Variants in SPOCK1 observed in about 807,000 individuals in gnomAD.
SPOCK1 encodes testican-1.
SPOCK1 carries 23 observed loss-of-function variants against 55.3 expected under a neutral mutation model. The observed-to-expected ratio is 0.42, with a 90% CI of 0.30 to 0.59. The LOEUF (loss-of-function observed/expected upper bound fraction) is 0.59. SPOCK1 is among the 20% of genes least tolerant of loss of function. The pLI, the probability that SPOCK1 is intolerant of heterozygous loss-of-function variation, is 0.22. For missense variants in SPOCK1, 499 were observed against 552.5 expected, an observed-to-expected ratio of 0.90 and a Z score of 0.97; for synonymous variants, 226 against 221.0, an observed-to-expected ratio of 1.02 and a Z score of -0.20.
rs562723108 is a variant in SPOCK1 at position 137,449,886 on chromosome 5, C to CAAAAAAAAAAAAAAA, written c.186+48472_186+48486dup. ...TGGGCAACAAAGTGAGATGCTGTCT[C>CAAAAAAAAAAAAAAA]AAAAAAAAAAAAAAAAAAAAAAAAA... On this transcript the variant is annotated intron_variant, in intron 2 of 10. Coordinates refer to ENST00000394945, the MANE Select transcript of SPOCK1 (RefSeq NM_004598.4). Among the ~76,000 whole-genome samples the CAAAAAAAAAAAAAAA allele has an allele frequency of 1.7e-4, 9 of 52,906 alleles. 1 individual carries two copies. The highest frequency in any genetic ancestry group is 8.6e-4 in the Admixed American group (3 of 3,478). 34.7% of individuals were successfully genotyped at this position (52,906 alleles called of 152,430 possible).
intron 2 of SPOCK1, among the ~76,000 whole-genome samples, chr5:137,337,685 T>G (rs1312347164): frequency 6.6e-6 from 1 of 152,228 alleles, no homozygotes; most frequent in Non-Finnish European, 1.5e-5. Context: ...TCTCCATTTT[T>G]ATAACAGCAC....
intron 3 of SPOCK1, among the ~76,000 whole-genome samples, chr5:137,179,641 T>G (rs1317548565): frequency 6.6e-6 from 1 of 152,144 alleles, no homozygotes; most frequent in Admixed American, 6.5e-5. Flanking sequence ...TTGTTTGCCT[T>G]GCTCTATCTC....
intron 2 of SPOCK1, among the ~76,000 whole-genome samples, chr5:137,490,219 G>C (rs1754145404): frequency 6.6e-6 from 1 of 152,192 alleles, no homozygotes; most frequent in Non-Finnish European, 1.5e-5. Flanking sequence ...TGTAGTGAAT[G>C]ACAGGCCCTC....
chr5:137,020,320 C>T (rs1561581680), intron 6 of SPOCK1, among the ~76,000 whole-genome samples: 1 of 151,520 alleles, frequency 6.6e-6, no homozygotes, highest in African/African-American at 2.4e-5. Flanking sequence ...GTGGCAGTAG[C>T]TATATTATCA....
chr5:136,978,690 A>ATCC lies in SPOCK1; in HGVS notation c.1281_1283dup (p.Glu427dup), dbSNP rs1213689969. 1 of 1,612,490 alleles carries ATCC rather than the reference A, an allele frequency of 6.2e-7. No homozygotes were observed. On this transcript the variant is annotated inframe_insertion, in exon 11 of 11. Transcript: ENST00000394945. ...ACCCGACCTCATCCTCTTTGTCATC[A>ATCC]TCCTCATCCTCATCATCCTCTGTCA...
At chr5:136,998,265 C>T (rs1015445191) in intron 6 of SPOCK1, among the ~76,000 whole-genome samples, 1 of 152,198 alleles carries the variant, frequency 6.6e-6, no homozygotes, top group African/African-American at 2.4e-5. Context: ...CCAAGAAATA[C>T]AGGTTGCAAT....
intron 9 of SPOCK1, 75 bp from the exon 10 acceptor site, chr5:136,979,544 G>C (rs1271086360): frequency 1.3e-6 from 2 of 1,539,612 alleles, no homozygotes; most frequent in African/African-American, 2.7e-5. Context: ...TCAACACAGG[G>C]AAGAGGGCTC....
intron 3 of SPOCK1, among the ~76,000 whole-genome samples, chr5:137,257,351 C>T (rs1369438676): frequency 3.3e-5 from 5 of 152,126 alleles, no homozygotes; most frequent in South Asian, 4.1e-4. Flanking sequence ...AGAGGTAGGG[C>T]CTTTGGGTGG....
intron 2 of SPOCK1, among the ~76,000 whole-genome samples, chr5:137,393,067 A>T (rs1242962090): frequency 6.6e-6 from 1 of 152,204 alleles, no homozygotes; most frequent in Non-Finnish European, 1.5e-5. Flanking sequence ...CCTTTGTCTT[A>T]AAATTCCTCT....
At chr5:137,366,681 T>C (rs535664922) in intron 2 of SPOCK1, among the ~76,000 whole-genome samples, 2 of 152,342 alleles carry the variant, frequency 1.3e-5, no homozygotes, top group South Asian at 2.1e-4. Flanking sequence ...ATAGCTTAGC[T>C]GCTTCGAATG....
At chr5:137,100,058 G>A (rs901766902) in intron 5 of SPOCK1, among the ~76,000 whole-genome samples, 2 of 152,128 alleles carry the variant, frequency 1.3e-5, no homozygotes, top group Non-Finnish European at 2.9e-5. Flanking sequence ...AGGGACTCTA[G>A]TCTATCATAC....
intron 3 of SPOCK1, among the ~76,000 whole-genome samples, chr5:137,184,874 C>T (rs1358185712): frequency 1.3e-5 from 2 of 152,136 alleles, no homozygotes; most frequent in Non-Finnish European, 2.9e-5. Flanking sequence ...AGCCCTGCCC[C>T]TCAAATGTTC....
At chr5:137,101,303 A>G (rs1753261123) in intron 5 of SPOCK1, among the ~76,000 whole-genome samples, 1 of 152,228 alleles carries the variant, frequency 6.6e-6, no homozygotes, top group African/African-American at 2.4e-5. Flanking sequence ...CAGAGATATC[A>G]TGTGCTGTGC....
At chr5:137,094,853 G>A (rs751884747) in intron 5 of SPOCK1, among the ~76,000 whole-genome samples, 45 of 152,220 alleles carry the variant, frequency 3.0e-4, no homozygotes, top group South Asian at 1.2e-3. Context: ...CTTGGCACAA[G>A]AGGCCTGGCT....
chr5:137,265,145 G>A (rs2127115242), intron 3 of SPOCK1, among the ~76,000 whole-genome samples: 1 of 152,196 alleles, frequency 6.6e-6, no homozygotes, highest in East Asian at 1.9e-4. Context: ...GTGATTTTGT[G>A]GTTCCCAAAA....
At chr5:137,341,121 C>T (rs549423908) in intron 2 of SPOCK1, among the ~76,000 whole-genome samples, 2 of 152,324 alleles carry the variant, frequency 1.3e-5, no homozygotes, top group East Asian at 1.9e-4. Flanking sequence ...ACTCGCTGCA[C>T]CATCCAGGCC....
chr5:137,268,719 G>T (rs938580744), intron 2 of SPOCK1, among the ~76,000 whole-genome samples: 2 of 94,378 alleles, frequency 2.1e-5, no homozygotes, highest in Admixed American at 2.4e-4. Flanking sequence ...TCTCACAAGT[G>T]GAGAAAAAAA....
At position 137,238,925 on chromosome 5, in the gene SPOCK1, G is replaced by A. The variant is rs140675878; in HGVS notation, c.232+28085C>T. 3.7e-3 allele frequency among the ~76,000 whole-genome samples: 571 copies of A among 152,290 alleles called. 1 individual carries two copies. Among genetic ancestry groups the A allele is most frequent in the Non-Finnish European group, 4.8e-3 (325 of 68,026 alleles). The stretch of plus-strand genomic sequence containing the variant: ...CATTTGGTCTTCATTCCTGATTTGT[G>A]GCACAGAGCTCCTAAAACCCTTAGA... On this transcript the variant is annotated intron_variant, in intron 3 of 10. Coordinates refer to ENST00000394945, the MANE Select transcript of SPOCK1 (RefSeq NM_004598.4).
chr5:137,403,202 T>C (rs770913277), intron 2 of SPOCK1, among the ~76,000 whole-genome samples: 13 of 152,228 alleles, frequency 8.5e-5, no homozygotes, highest in South Asian at 2.1e-4. Context: ...CTGCTAGGAT[T>C]CCGGCCCTCA....
Sources: allele counts gnomAD v4.1 joint callset (sites outside exome capture counted in the v4.1 genomes callset), GRCh38; gene constraint gnomAD v4.1.1; transcripts MANE v1.5; gene names NCBI Gene and HGNC (gene_info 2026-07-23, HGNC 2026-07-21).